DNAH5: variants seen among roughly 807,000 people sequenced by gnomAD.
DNAH5 encodes the protein axonemal beta dynein heavy chain 5.
Under a neutral mutation model 518.2 loss-of-function variants are expected in DNAH5, and 372 were observed. That is an observed-to-expected ratio of 0.72 (90% confidence interval 0.66 to 0.78). The LOEUF is 0.78. DNAH5 is among the 30% of genes least tolerant of loss of function. The pLI is 0.00. For synonymous variants in DNAH5, 2,039 were observed against 2,025.9 expected (o/e 1.01, Z -0.17); for missense variants, 5,523 against 5,687.0 (o/e 0.97, Z 0.93).
intron 22 of DNAH5, among the ~76,000 whole-genome samples, chr5:13,872,164 T>C (rs975016130): frequency 1.3e-5 from 2 of 152,142 alleles, no homozygotes; most frequent in Non-Finnish European, 2.9e-5. Flanking sequence ...CCCTCAGATC[T>C]CCTCCAAGAT....
At chr5:13,887,545 T>C (rs1314892125) in intron 17 of DNAH5, among the ~76,000 whole-genome samples, 2 of 152,182 alleles carry the variant, frequency 1.3e-5, no homozygotes, top group Non-Finnish European at 2.9e-5. Flanking sequence ...CAAAAGGGCC[T>C]TTCTTTCAAT....
intron 5 of DNAH5, 142 bp from the exon 6 acceptor site, chr5:13,920,759 G>C: frequency 1.2e-6 from 1 of 822,684 alleles, no homozygotes; most frequent in Non-Finnish European, 2.0e-6. Context: ...CCACTCCCAC[G>C]TGCCTTTGTC....
At chr5:13,773,451 C>G (rs1753626585) in intron 55 of DNAH5, among the ~76,000 whole-genome samples, 1 of 151,990 alleles carries the variant, frequency 6.6e-6, no homozygotes, top group Non-Finnish European at 1.5e-5. Flanking sequence ...AAAGCATGTT[C>G]AGAGGGAAAA....
At chr5:13,743,460 G>A (rs1748889075) in intron 65 of DNAH5, among the ~76,000 whole-genome samples, 1 of 151,830 alleles carries the variant, frequency 6.6e-6, no homozygotes, top group Admixed American at 6.6e-5. Context: ...GGCAACAAAC[G>A]CCAAAATAAA....
intron 28 of DNAH5, among the ~76,000 whole-genome samples, chr5:13,863,380 G>C (rs1319988636): frequency 6.6e-6 from 1 of 151,944 alleles, no homozygotes; most frequent in Non-Finnish European, 1.5e-5. Context: ...CCCAAACACA[G>C]TCTGTGAAAT....
At chr5:13,926,299 G>A (rs11133769) in intron 3 of DNAH5, among the ~76,000 whole-genome samples, 98,488 of 152,012 alleles carry the variant, frequency 0.65, 32,061 homozygotes, top group East Asian at 0.88. Context: ...AACCACCACC[G>A]TGCCCACAAG....
At chr5:13,713,802 G>A (rs1743936583) in intron 75 of DNAH5, among the ~76,000 whole-genome samples, 1 of 151,818 alleles carries the variant, frequency 6.6e-6, no homozygotes, top group Non-Finnish European at 1.5e-5. Flanking sequence ...ACTTACTCAT[G>A]TAACCAAATA....
At chr5:13,977,869 G>A (rs1009371896) in intron 1 of DNAH5, among the ~76,000 whole-genome samples, 4 of 152,090 alleles carry the variant, frequency 2.6e-5, no homozygotes, top group African/African-American at 9.7e-5. Context: ...ATCTTATTTT[G>A]GCCACTGGGA....
intron 1 of DNAH5, among the ~76,000 whole-genome samples, chr5:14,007,053 C>T (rs1284009797): frequency 6.6e-6 from 1 of 152,178 alleles, no homozygotes; most frequent in Non-Finnish European, 1.5e-5. Flanking sequence ...TCTCCATAGC[C>T]CTGCAAGGCT....
Position 13,716,909 on chromosome 5 carries a change from G to A in DNAH5, c.12706-219C>T, listed in dbSNP as rs79618725. Among the ~76,000 whole-genome samples the A allele has an allele frequency of 0.023, 3,441 of 152,220 alleles. 120 individuals are homozygous for A. The highest frequency in any genetic ancestry group is 0.075 in the African/African-American group (3,103 of 41,508). On this transcript the variant is annotated intron_variant, in intron 73 of 78. Coordinates refer to ENST00000265104, the MANE Select transcript of DNAH5 (RefSeq NM_001369.3). ...TGAAATAGACTTCCTTGATGCATTC[G>A]TATGTTTTCATACTTCAATATAAAT... is the stretch of plus-strand genomic sequence containing the variant.
chr5:13,911,013 TGC>T lies in DNAH5; in HGVS notation c.1644+371_1644+372del, dbSNP rs1198297828. On this transcript the variant is annotated intron_variant, in intron 12 of 78. Coordinates refer to ENST00000265104, the MANE Select transcript of DNAH5 (RefSeq NM_001369.3). The stretch of plus-strand genomic sequence containing the variant: ...CCCTGCCTTGGAATCTGCCAGACAT[TGC>T]TGACCATTTGCCTGAGCTACCTCTG... Among the ~76,000 whole-genome samples the T allele has an allele frequency of 2.0e-5, 3 of 152,342 alleles. No homozygotes were observed. In the East Asian group the frequency reaches 5.8e-4, roughly 29 times the overall value.
At chr5:13,913,136 A>C (rs1204040702) in intron 11 of DNAH5, among the ~76,000 whole-genome samples, 2 of 152,080 alleles carry the variant, frequency 1.3e-5, no homozygotes, top group Non-Finnish European at 2.9e-5. Flanking sequence ...GACTATGTCC[A>C]TATTAAGAAT....
At position 13,885,987 on chromosome 5, in the gene DNAH5, A is replaced by G; in HGVS notation, c.2720T>C (p.Val907Ala). The G allele has an allele frequency of 6.2e-7, 1 of 1,613,242 alleles. No homozygotes were observed. The highest frequency in any genetic ancestry group is 1.1e-5 in the South Asian group (1 of 91,030). ...ACCTGAACTTTCATTTTTGTAATTA[A>G]CACTATTCTCATTGGATATTTTTTC... ...ESEKISNENSVNYKNESSAKR... is the reference protein window; with the variant it reads ...ESEKISNENSANYKNESSAKR... The change falls in exon 18 of 79, where the codon GTT (valine) becomes GCT (alanine). Residue 907 changes from valine (V) to alanine (A), a missense_variant. Physicochemically the swap from Val to Ala is moderately conservative, Grantham distance 64. Transcript: ENST00000265104.
In DNAH5 at chr5:13,927,180, C is replaced by T. The variant is rs151299854; in HGVS notation, c.277+914G>A. Among the ~76,000 whole-genome samples the T allele has an allele frequency of 2.2e-3, 329 of 152,184 alleles. 1 individual carries two copies. Among genetic ancestry groups the T allele is most frequent in the Admixed American group, 7.4e-3 (113 of 15,286 alleles). On this transcript the variant is annotated intron_variant, in intron 3 of 78. Coordinates refer to ENST00000265104, the MANE Select transcript of DNAH5 (RefSeq NM_001369.3). Reference sequence around the variant, plus strand: ...CCACTTAAAAGTAGAATAGACTATGCCAGTTGAATCTATAGAAAGATTTGC... The same window carrying T: ...CCACTTAAAAGTAGAATAGACTATGTCAGTTGAATCTATAGAAAGATTTGC...
chr5:13,712,697 G>C (rs1433315838), intron 75 of DNAH5, among the ~76,000 whole-genome samples: 1 of 152,042 alleles, frequency 6.6e-6, no homozygotes, highest in African/African-American at 2.4e-5. Context: ...AGATATACAA[G>C]TAGCCAACAA....
At chr5:13,938,198 A>C (rs1015171754) in intron 1 of DNAH5, among the ~76,000 whole-genome samples, 1 of 152,134 alleles carries the variant, frequency 6.6e-6, no homozygotes, top group African/African-American at 2.4e-5. Flanking sequence ...CCCGGCACCC[A>C]ATCATTGACA....
intron 42 of DNAH5, among the ~76,000 whole-genome samples, chr5:13,815,071 T>C (rs1415292261): frequency 2.0e-5 from 3 of 152,240 alleles, no homozygotes; most frequent in Non-Finnish European, 4.4e-5. Flanking sequence ...GTTTGTTTAT[T>C]GGACAAATAT....
intron 1 of DNAH5, among the ~76,000 whole-genome samples, chr5:14,003,960 C>T (rs1784542730): frequency 6.6e-6 from 1 of 152,206 alleles, no homozygotes; most frequent in Non-Finnish European, 1.5e-5. Flanking sequence ...CATGCCAGAA[C>T]CACCCAACTC....
chr5:13,834,834 G>T lies in DNAH5; in HGVS notation c.5883-4059C>A, dbSNP rs547377195. On this transcript the variant is annotated intron_variant, in intron 35 of 78. Coordinates refer to ENST00000265104, the MANE Select transcript of DNAH5 (RefSeq NM_001369.3). Reference sequence around the variant, plus strand: ...AGGCCAGATTGTACCAGGCCTCACAGGCCCACGTGAGGACGTTGGCTTTTA... The same window carrying T: ...AGGCCAGATTGTACCAGGCCTCACATGCCCACGTGAGGACGTTGGCTTTTA... Among the ~76,000 whole-genome samples, 90 of 152,358 alleles carry T rather than the reference G, an allele frequency of 5.9e-4. 1 individual carries two copies. The highest frequency in any genetic ancestry group is 2.1e-3 in the African/African-American group (89 of 41,586).
Sources: allele counts gnomAD v4.1 joint callset (sites outside exome capture counted in the v4.1 genomes callset), GRCh38; gene constraint gnomAD v4.1.1; transcripts MANE v1.5; gene names NCBI Gene and HGNC (gene_info 2026-07-23, HGNC 2026-07-21).